Variants in ZBTB48 observed in about 807,000 individuals in gnomAD.
ZBTB48 encodes the protein zinc finger and BTB domain-containing protein 48.
In ZBTB48, 35 loss-of-function variants were observed where a neutral mutation model predicts 64.5. The observed-to-expected ratio is 0.54, with a 90% CI of 0.41 to 0.72. The LOEUF is 0.72. ZBTB48 is among the 30% of genes least tolerant of loss of function. The probability of loss-of-function intolerance (pLI) is 0.00; values close to 1 mark genes in which losing one functional copy is unlikely to be tolerated. For missense variants in ZBTB48, 828 were observed against 895.3 expected (o/e 0.92, Z 0.96); for synonymous variants, 442 against 356.7 (o/e 1.24, Z -2.70).
chr1:6,585,052 G>A (rs1301735007), intron 3 of ZBTB48, among the ~76,000 whole-genome samples: 2 of 152,202 alleles, frequency 1.3e-5, no homozygotes, highest in Non-Finnish European at 2.9e-5. Flanking sequence ...AAGTGCTGCC[G>A]AAGAAGAAAA....
chr1:6,588,898 G>C lies in ZBTB48; in HGVS notation c.1771-18G>C. 1 of 1,613,780 alleles carries C rather than the reference G, an allele frequency of 6.2e-7. No individual in the cohort carries two copies. Among genetic ancestry groups the C allele is most frequent in the Non-Finnish European group, 8.5e-7 (1 of 1,179,892 alleles). Reference sequence around the variant, plus strand: ...ACCCTAGGATCCCCCAAAGTTCTGAGCTCACCCTCCCCGCCAGGCCCACCT... The same window carrying C: ...ACCCTAGGATCCCCCAAAGTTCTGACCTCACCCTCCCCGCCAGGCCCACCT... On this transcript the variant is annotated intron_variant, in intron 10 of 10. Coordinates refer to ENST00000377674, the MANE Select transcript of ZBTB48 (RefSeq NM_005341.4).
chr1:6,588,637 T>A, intron 9 of ZBTB48, 119 bp from the exon 10 acceptor site: 5 of 1,481,590 alleles, frequency 3.4e-6, no homozygotes, highest in Non-Finnish European at 2.7e-6. Context: ...TGGCAGGGCC[T>A]GTGCAGCACT....
At chr1:6,581,530 G>A (rs1640462934) in intron 2 of ZBTB48, among the ~76,000 whole-genome samples, 1 of 151,964 alleles carries the variant, frequency 6.6e-6, no homozygotes, top group Non-Finnish European at 1.5e-5. Flanking sequence ...CGGGTGTGGT[G>A]GCACACACCT....
In ZBTB48 at chr1:6,581,304, T is replaced by C. The variant is rs759934459; in HGVS notation, c.690+5T>C. 10 of 1,593,734 alleles carry C rather than the reference T, an allele frequency of 6.3e-6. No homozygotes were observed. Among genetic ancestry groups the C allele is most frequent in the South Asian group, 2.2e-5 (2 of 89,574 alleles). Reference sequence around the variant, plus strand: ...CTGCAGGGCGGCAGTAATGAGGTACTGTGCCCAGGGTGTTGGGACTGGGGA... The same window carrying C: ...CTGCAGGGCGGCAGTAATGAGGTACCGTGCCCAGGGTGTTGGGACTGGGGA... On this transcript the variant is annotated splice_donor_5th_base_variant and intron_variant, in intron 2 of 10. Coordinates refer to ENST00000377674, the MANE Select transcript of ZBTB48 (RefSeq NM_005341.4).
intron 5 of ZBTB48, 92 bp downstream of exon 5, chr1:6,586,879 C>A: frequency 7.1e-7 from 1 of 1,417,282 alleles, no homozygotes; most frequent in Non-Finnish European, 9.7e-7. Flanking sequence ...AGGCACCTCC[C>A]TCACAGTAGC....
chr1:6,588,765 A>C lies in ZBTB48; in HGVS notation c.1691A>C (p.Gln564Pro). ...GTTCTCCCTCTTGCAGCCGTGGAGC[A>C]ACTGCGTGTGCACGTCAGACGGCAC... Reference protein sequence around the residue: ...ICGKTFKAVEQLRVHVRRHKG... With the variant: ...ICGKTFKAVEPLRVHVRRHKG... Residue 564 changes from glutamine (Q) to proline (P), a missense_variant, in exon 10 of 11, where the codon CAA (glutamine) becomes CCA (proline). Gln to Pro is a moderately conservative substitution (Grantham distance 76). Coordinates refer to ENST00000377674, the MANE Select transcript of ZBTB48 (RefSeq NM_005341.4). 6.2e-7 allele frequency: 1 copy of C among 1,614,032 alleles called. No individual in the cohort carries two copies. Among genetic ancestry groups the C allele is most frequent in the Non-Finnish European group, 8.5e-7 (1 of 1,180,030 alleles).
intron 3 of ZBTB48, among the ~76,000 whole-genome samples, chr1:6,582,942 T>TA (rs1325041140): frequency 6.6e-6 from 1 of 152,142 alleles, no homozygotes; most frequent in Non-Finnish European, 1.5e-5. Flanking sequence ...AGTGCTGGAA[T>TA]TATAGGTGTG....
rs929173978 is a variant in ZBTB48, at chr1:6,584,718, C to T, written c.933-1201C>T. 6.6e-6 allele frequency among the ~76,000 whole-genome samples: 1 copy of T among 152,158 alleles called. No individual in the cohort carries two copies. Among genetic ancestry groups the T allele is most frequent in the Non-Finnish European group, 1.5e-5 (1 of 68,036 alleles). On this transcript the variant is annotated intron_variant, in intron 3 of 10. Coordinates refer to ENST00000377674, the MANE Select transcript of ZBTB48 (RefSeq NM_005341.4). The surrounding 1 kb of genome is among the most constrained non-coding windows in gnomAD (Gnocchi z 4.5). ...TTTCCATCCCTTCCTTGGGCTTCAGCTTGCTGGACTGGCCCTGAGAACTGG... is the reference window on the plus strand; with the variant it reads ...TTTCCATCCCTTCCTTGGGCTTCAGTTTGCTGGACTGGCCCTGAGAACTGG...
At chr1:6,588,723 G>GC (rs764829694) in intron 9 of ZBTB48, 33 bp from the exon 10 acceptor site, 3 of 1,613,618 alleles carry the variant, frequency 1.9e-6, no homozygotes, top group Non-Finnish European at 2.5e-6. Flanking sequence ...CGGGGCTCCT[G>GC]CATGATCCCC....
In ZBTB48 at chr1:6,580,959, A is replaced by G; in HGVS notation, c.350A>G (p.Lys117Arg). 2 of 1,613,884 alleles carry G rather than the reference A, an allele frequency of 1.2e-6. No individual in the cohort carries two copies. The highest frequency in any genetic ancestry group is 1.7e-6 in the Non-Finnish European group (2 of 1,180,036). ...GAGCTGTGCCAGAGCTTCAAGCCCA[A>G]AACTTCAGTGGGACAGGCAGCAGGT... The part of the protein sequence containing the change: ...AVELCQSFKP[K>R]TSVGQAAGGQ... Residue 117 changes from lysine to arginine, a missense_variant, in exon 2 of 11, where the codon AAA becomes AGA. Coordinates refer to ENST00000377674, the MANE Select transcript of ZBTB48 (RefSeq NM_005341.4). This position sits in a 1 kb window ranked among gnomAD's most constrained non-coding sequence, Gnocchi z 5.2.
At chr1:6,581,900 C>A (rs1257555358) in intron 2 of ZBTB48, among the ~76,000 whole-genome samples, 158 bp from the exon 3 acceptor site, 2 of 152,196 alleles carry the variant, frequency 1.3e-5, no homozygotes, top group Non-Finnish European at 2.9e-5. Context: ...TCCTCTGAAT[C>A]CAAGATTCAG....
Position 6,587,743 on chromosome 1 carries a change from C to T in ZBTB48, c.1379+111C>T. On this transcript the variant is annotated intron_variant, in intron 7 of 10. Coordinates refer to ENST00000377674, the MANE Select transcript of ZBTB48 (RefSeq NM_005341.4). Reference sequence around the variant, plus strand: ...TTACACAGATGAGTGTGCCCTTGGCCTCCACCCTGAATCTAGTGCCTACAG... The same window carrying T: ...TTACACAGATGAGTGTGCCCTTGGCTTCCACCCTGAATCTAGTGCCTACAG... 4 of 1,496,906 alleles carry T rather than the reference C, an allele frequency of 2.7e-6. No homozygotes were observed. In the South Asian group the frequency reaches 3.9e-5, roughly 15 times the overall value. 92.7% of individuals were successfully genotyped at this position (1,496,906 alleles called of 1,614,324 possible).
rs1640621758 is a variant in ZBTB48 at position 6,585,379 on chromosome 1, C to T, written c.933-540C>T. On this transcript the variant is annotated intron_variant, in intron 3 of 10. Transcript: ENST00000377674. ...TTGATAGGCCTCCCGGGCCCTTTCTCTGAATGGGGAAGCACTGGGGATACG... is the reference window on the plus strand; with the variant it reads ...TTGATAGGCCTCCCGGGCCCTTTCTTTGAATGGGGAAGCACTGGGGATACG... 2.6e-5 allele frequency: 4 copies of T among 154,960 alleles called. No homozygotes were observed. The South Asian group carries it at 7.9e-4, about 31-fold the overall frequency. 9.6% of individuals were successfully genotyped at this position (154,960 alleles called of 1,614,324 possible).
rs1252660240 is a variant in ZBTB48 at position 6,588,123 on chromosome 1, C to G, written c.1443C>G (p.Asn481Lys). The change falls in exon 8 of 11, where the codon AAC becomes AAG. Residue 481 changes from asparagine to lysine, a missense_variant. Physicochemically the swap from Asn to Lys is moderately conservative, Grantham distance 94 (BLOSUM62 0). Coordinates refer to ENST00000377674, the MANE Select transcript of ZBTB48 (RefSeq NM_005341.4). Reference sequence around the variant, plus strand: ...CCTTCACCCAAAAGGCCAATCTCAACATGCACCTGCGCACACACACGGGTG... The same window carrying G: ...CCTTCACCCAAAAGGCCAATCTCAAGATGCACCTGCGCACACACACGGGTG... Reference protein sequence around the residue: ...SHAFTQKANLNMHLRTHTGEK... With the variant: ...SHAFTQKANLKMHLRTHTGEK... 6.2e-7 allele frequency: 1 copy of G among 1,614,212 alleles called. No individual in the cohort carries two copies. The highest frequency in any genetic ancestry group is 8.5e-7 in the Non-Finnish European group (1 of 1,180,046).
In ZBTB48 at chr1:6,580,691, G is replaced by T; in HGVS notation, c.82G>T (p.Ala28Ser). Reference protein sequence around the residue: ...KQREKGQYCDATLDVGGLVFK... With the variant: ...KQREKGQYCDSTLDVGGLVFK... ...GCGGGAGAAGGGCCAGTACTGCGACGCCACTCTGGACGTGGGGGGCCTGGT... is the reference window on the plus strand; with the variant it reads ...GCGGGAGAAGGGCCAGTACTGCGACTCCACTCTGGACGTGGGGGGCCTGGT... The change falls in exon 2 of 11, where the codon GCC (alanine) becomes TCC (serine). Residue 28 changes from alanine (A) to serine (S), a missense_variant. Coordinates refer to ENST00000377674, the MANE Select transcript of ZBTB48 (RefSeq NM_005341.4). The surrounding 1 kb of genome is among the most constrained non-coding windows in gnomAD (Gnocchi z 5.2). The T allele has an allele frequency of 6.2e-7, 1 of 1,614,154 alleles. No homozygotes were observed.
chr1:6,587,993 G>C, intron 7 of ZBTB48, 67 bp from the exon 8 acceptor site: 16 of 1,594,826 alleles, frequency 1.0e-5, no homozygotes, highest in Non-Finnish European at 1.4e-5. Context: ...CATGCTCCTA[G>C]CTGTAGCAGA....
At chr1:6,588,594 T>C in intron 9 of ZBTB48, 152 bp downstream of exon 9, 1 of 1,446,366 alleles carries the variant, frequency 6.9e-7, no homozygotes, top group African/African-American at 1.4e-5. Context: ...GGGTGTCCTG[T>C]GCAGTAGTGA....
chr1:6,581,254 G>C lies in ZBTB48; in HGVS notation c.645G>C (p.Arg215Ser). 6.2e-7 allele frequency: 1 copy of C among 1,611,106 alleles called. No individual in the cohort carries two copies. Among genetic ancestry groups the C allele is most frequent in the East Asian group, 2.2e-5 (1 of 44,852 alleles). The change falls in exon 2 of 11, where the codon AGG (arginine) becomes AGC (serine). Residue 215 changes from arginine to serine, a missense_variant. Arg to Ser is a moderately radical substitution (Grantham distance 110). Transcript: ENST00000377674. Reference protein sequence around the residue: ...KKPEDCKVPPRPLEAEGAQLQ... With the variant: ...KKPEDCKVPPSPLEAEGAQLQ... The stretch of plus-strand genomic sequence containing the variant: ...CCGAGGACTGCAAAGTGCCCCCAAG[G>C]CCCTTAGAGGCTGAAGGTGCCCAGC...
intron 4 of ZBTB48, 50 bp downstream of exon 4, chr1:6,586,080 C>CT (rs1281141881): frequency 1.9e-6 from 3 of 1,581,918 alleles, no homozygotes; most frequent in East Asian, 2.2e-5. Flanking sequence ...ACTGGCCTCT[C>CT]TGTCTTCGTG....
Sources: allele counts gnomAD v4.1 joint callset (sites outside exome capture counted in the v4.1 genomes callset), GRCh38; gene constraint gnomAD v4.1.1; non-coding constraint Gnocchi (gnomAD v3.1); transcripts MANE v1.5; gene names NCBI Gene and HGNC (gene_info 2026-07-23, HGNC 2026-07-21).